The following NUBPL variants were observed in gnomAD, a reference collection of about 807,000 sequenced individuals.
The protein encoded by NUBPL is iron-sulfur cluster transfer protein NUBPL.
In NUBPL, 31 loss-of-function variants were observed where a neutral mutation model predicts 45.7. The observed-to-expected ratio is 0.68, with a 90% CI of 0.51 to 0.92. The LOEUF (loss-of-function observed/expected upper bound fraction) is 0.92. Ranked by LOEUF, NUBPL falls within the 40% of genes least tolerant of loss-of-function variation. The pLI is 0.00. For synonymous variants in NUBPL, 144 were observed against 140.9 expected (o/e 1.02, Z -0.15); for missense variants, 401 against 398.7 (o/e 1.01, Z -0.05).
At chr14:31,719,128 A>T (rs1215039858) in intron 6 of NUBPL, among the ~76,000 whole-genome samples, 1 of 152,206 alleles carries the variant, frequency 6.6e-6, no homozygotes, top group African/African-American at 2.4e-5. Flanking sequence ...GCAACACAGC[A>T]CACTAAAGAA....
intron 7 of NUBPL, among the ~76,000 whole-genome samples, chr14:31,815,594 G>A (rs892711526): frequency 2.0e-5 from 3 of 152,150 alleles, no homozygotes; most frequent in African/African-American, 7.2e-5. Flanking sequence ...TGGTAAGAGA[G>A]GTCATCCTTG....
At chr14:31,825,068 A>G (rs901957435) in intron 7 of NUBPL, among the ~76,000 whole-genome samples, 1 of 152,158 alleles carries the variant, frequency 6.6e-6, no homozygotes, top group African/African-American at 2.4e-5. Flanking sequence ...GTAGGGTAGT[A>G]GTGGAGATCC....
intron 4 of NUBPL, among the ~76,000 whole-genome samples, chr14:31,657,349 G>T (rs538113696): frequency 6.6e-6 from 1 of 152,248 alleles, no homozygotes; most frequent in South Asian, 2.1e-4. Flanking sequence ...GGGTAATATA[G>T]TAAGGCTTTT....
intron 7 of NUBPL, among the ~76,000 whole-genome samples, chr14:31,812,067 G>C (rs748399492): frequency 2.0e-5 from 3 of 152,218 alleles, no homozygotes; most frequent in Non-Finnish European, 4.4e-5. Context: ...CCTACTGGGA[G>C]GTGTCTCCAA....
rs535134859 is a variant in NUBPL, at chr14:31,798,580, C to T, written c.607+10707C>T. 4.0e-5 allele frequency among the ~76,000 whole-genome samples: 6 copies of T among 151,046 alleles called. No individual in the cohort carries two copies. In the South Asian group the frequency reaches 6.3e-4, roughly 16 times the overall value. ...GGCCGAGGCGGGTGGATCATGGGGTCGGGAGAACGAGACCATCCTGGCTAA... is the reference window on the plus strand; with the variant it reads ...GGCCGAGGCGGGTGGATCATGGGGTTGGGAGAACGAGACCATCCTGGCTAA... On this transcript the variant is annotated intron_variant, in intron 7 of 10. Coordinates refer to ENST00000281081, the MANE Select transcript of NUBPL (RefSeq NM_025152.3).
intron 3 of NUBPL, among the ~76,000 whole-genome samples, chr14:31,594,819 A>G (rs1319830370): frequency 1.3e-5 from 2 of 152,228 alleles, no homozygotes; most frequent in Middle Eastern, 3.2e-3. Context: ...GGCTTGAATA[A>G]TTTCTAAATT....
At chr14:31,736,870 T>C (rs531510177) in intron 6 of NUBPL, among the ~76,000 whole-genome samples, 13 of 152,316 alleles carry the variant, frequency 8.5e-5, no homozygotes, top group African/African-American at 3.1e-4. Context: ...TTGGTTTATC[T>C]GTTTCTGTGA....
At position 31,676,026 on chromosome 14, in the gene NUBPL, C is replaced by CT. The variant is rs1322414280; in HGVS notation, c.513+2465dup. Among the ~76,000 whole-genome samples the CT allele has an allele frequency of 4.1e-3, 594 of 143,596 alleles. 2 individuals are homozygous for CT. The highest frequency in any genetic ancestry group is 0.015 in the South Asian group (69 of 4,480). The allele number at this position is 143,596 out of a possible 152,430, so 94.2% of individuals were successfully genotyped here. A position where few individuals can be genotyped will look rare whatever the true frequency, so the allele number is the denominator to read the frequency against. On this transcript the variant is annotated intron_variant, in intron 6 of 10. Coordinates refer to ENST00000281081, the MANE Select transcript of NUBPL (RefSeq NM_025152.3). ...ATGAATAGGATTATACAGGATGTAG[C>CT]TTTTTTTTTTTTTGAGACAGAGTTT...
intron 6 of NUBPL, among the ~76,000 whole-genome samples, chr14:31,758,034 C>G (rs984939807): frequency 2.6e-5 from 4 of 152,132 alleles, no homozygotes; most frequent in African/African-American, 4.8e-5. Flanking sequence ...TAAATGTCAT[C>G]TCAGAAGAGC....
At chr14:31,835,862 T>C (rs2138997114) in intron 8 of NUBPL, among the ~76,000 whole-genome samples, 1 of 152,344 alleles carries the variant, frequency 6.6e-6, no homozygotes, top group South Asian at 2.1e-4. Context: ...GAATCTAATC[T>C]ATTTCAGTTA....
chr14:31,599,515 C>A (rs2034370734), intron 4 of NUBPL, 136 bp downstream of exon 4: 4 of 641,112 alleles, frequency 6.2e-6, no homozygotes, highest in African/African-American at 1.8e-5. Context: ...TTAGTAGATT[C>A]TTGGAAACTG....
intron 8 of NUBPL, among the ~76,000 whole-genome samples, chr14:31,840,358 G>A (rs2040349497): frequency 6.6e-6 from 1 of 152,106 alleles, no homozygotes; most frequent in Non-Finnish European, 1.5e-5. Flanking sequence ...TGGATCACGA[G>A]GTCAGGAGAT....
At chr14:31,620,313 T>C (rs1566452902) in intron 4 of NUBPL, among the ~76,000 whole-genome samples, 3 of 152,132 alleles carry the variant, frequency 2.0e-5, no homozygotes, top group Non-Finnish European at 4.4e-5. Context: ...TCTAGTTTTG[T>C]TCCCTTGCTT....
chr14:31,656,837 C>CAA lies in NUBPL; in HGVS notation c.383-16517_383-16516dup, dbSNP rs985965931. Among the ~76,000 whole-genome samples, 34 of 152,100 alleles carry CAA rather than the reference C, an allele frequency of 2.2e-4. 1 individual carries two copies. The highest frequency in any genetic ancestry group is 2.2e-3 in the Admixed American group (34 of 15,270). ...GAAAAATGGCACCAATAGACTTGCT[C>CAA]AATGTAGGGTTGCACAAACCTTTGA... On this transcript the variant is annotated intron_variant, in intron 4 of 10. Transcript: ENST00000281081.
At chr14:31,738,636 A>T (rs1372538783) in intron 6 of NUBPL, among the ~76,000 whole-genome samples, 3 of 152,210 alleles carry the variant, frequency 2.0e-5, no homozygotes, top group South Asian at 2.1e-4. Context: ...ATTCCAACAT[A>T]AAACAAAAGG....
chr14:31,609,220 G>C (rs774758664), intron 4 of NUBPL, among the ~76,000 whole-genome samples: 9 of 151,932 alleles, frequency 5.9e-5, no homozygotes, highest in Admixed American at 1.3e-4. Context: ...GAAAATAAAG[G>C]GGTATAAAAG....
intron 6 of NUBPL, among the ~76,000 whole-genome samples, chr14:31,696,907 G>A (rs1204109580): frequency 2.0e-5 from 3 of 152,114 alleles, no homozygotes; most frequent in Non-Finnish European, 2.9e-5. Context: ...AGAGAAAAAC[G>A]GAGTGTCTTG....
At chr14:31,848,467 T>A (rs1327102263) in intron 9 of NUBPL, among the ~76,000 whole-genome samples, 1 of 152,186 alleles carries the variant, frequency 6.6e-6, no homozygotes, top group Non-Finnish European at 1.5e-5. Context: ...AATGATTATT[T>A]GGTACGATAG....
chr14:31,561,787 A>G (rs2033288654), intron 1 of NUBPL: 2 of 585,896 alleles, frequency 3.4e-6, no homozygotes, highest in Non-Finnish European at 5.9e-6. Context: ...TATCAAATAG[A>G]TTGAAGAAAA....
Sources: allele counts gnomAD v4.1 joint callset (sites outside exome capture counted in the v4.1 genomes callset), GRCh38; gene constraint gnomAD v4.1.1; transcripts MANE v1.5; gene names NCBI Gene and HGNC (gene_info 2026-07-23, HGNC 2026-07-21).